The following ITGA9 variants were observed in gnomAD, a reference collection of about 807,000 sequenced individuals.
ITGA9 encodes the protein integrin subunit alpha 9, also known as integrin alpha-9.
In ITGA9, 56 loss-of-function variants were observed where a neutral mutation model predicts 127.8. The observed-to-expected ratio is 0.44, with a 90% CI of 0.35 to 0.55. The LOEUF is 0.55. Among genes scored for constraint, ITGA9 ranks in the 20% least tolerant of loss-of-function variants. The pLI is 0.00. For synonymous variants in ITGA9, 508 were observed against 514.5 expected (o/e 0.99, Z 0.17); for missense variants, 1,196 against 1,347.1 (o/e 0.89, Z 1.76).
At chr3:37,775,797 C>T (rs887559786) in intron 23 of ITGA9, among the ~76,000 whole-genome samples, 3 of 152,164 alleles carry the variant, frequency 2.0e-5, no homozygotes, top group African/African-American at 7.2e-5. Context: ...AAAAGCAGAA[C>T]TGCCAATTAA....
intron 16 of ITGA9, among the ~76,000 whole-genome samples, chr3:37,648,011 A>G (rs1262368596): frequency 1.3e-5 from 2 of 152,196 alleles, no homozygotes; most frequent in East Asian, 3.8e-4. Flanking sequence ...TCTATGAGGT[A>G]CTGATTTCAT....
intron 17 of ITGA9, among the ~76,000 whole-genome samples, chr3:37,655,516 A>G (rs1378397638): frequency 7.9e-5 from 12 of 152,136 alleles, no homozygotes; most frequent in African/African-American, 2.9e-4. Context: ...GTCTGTTCAT[A>G]TCTTTCGCCT....
At chr3:37,687,667 T>A (rs540716542) in intron 18 of ITGA9, among the ~76,000 whole-genome samples, 11 of 152,224 alleles carry the variant, frequency 7.2e-5, no homozygotes, top group African/African-American at 2.7e-4. Flanking sequence ...AACATTAATG[T>A]CCAAAATTAG....
chr3:37,668,132 C>T (rs1262921426), intron 17 of ITGA9, among the ~76,000 whole-genome samples: 2 of 152,106 alleles, frequency 1.3e-5, no homozygotes, highest in Non-Finnish European at 2.9e-5. Context: ...CAGGGACAGC[C>T]CCTTCCCTCC....
At chr3:37,578,836 T>TG (rs1699678023) in intron 15 of ITGA9, among the ~76,000 whole-genome samples, 1 of 151,638 alleles carries the variant, frequency 6.6e-6, no homozygotes, top group Non-Finnish European at 1.5e-5. Flanking sequence ...AGAAAGAAGG[T>TG]AAGTCCTAAG....
intron 18 of ITGA9, among the ~76,000 whole-genome samples, chr3:37,686,783 C>T (rs896132763): frequency 1.3e-5 from 2 of 152,142 alleles, no homozygotes; most frequent in Non-Finnish European, 2.9e-5. Context: ...GGCAAGACGA[C>T]CCTCAGGGTG....
intron 17 of ITGA9, 110 bp downstream of exon 17, chr3:37,653,900 T>C (rs1700452214): frequency 1.2e-5 from 9 of 774,170 alleles, no homozygotes; most frequent in Non-Finnish European, 4.7e-6. Context: ...ACAGAGTTGA[T>C]GGGTTACAGT....
At position 37,823,438 on chromosome 3, in the gene ITGA9, C is replaced by T. The variant is rs891641680; in HGVS notation, c.*4449C>T. On this transcript the variant is annotated 3_prime_UTR_variant, in exon 28 of 28. Transcript: ENST00000264741. Reference sequence around the variant, plus strand: ...AGTCTAAGCAGTCACTTCTGATTCACTTGCACTGTTTGGGAAATGTCAGGT... The same window carrying T: ...AGTCTAAGCAGTCACTTCTGATTCATTTGCACTGTTTGGGAAATGTCAGGT... 6.6e-6 allele frequency: 1 copy of T among 152,212 alleles called. No individual in the cohort carries two copies. Among genetic ancestry groups the T allele is most frequent in the African/African-American group, 2.4e-5 (1 of 41,448 alleles). The allele number at this position is 152,212 out of a possible 1,614,324, so 9.4% of individuals were successfully genotyped here.
chr3:37,498,909 C>G (rs1698760603), intron 5 of ITGA9, among the ~76,000 whole-genome samples: 1 of 152,244 alleles, frequency 6.6e-6, no homozygotes, highest in African/African-American at 2.4e-5. Flanking sequence ...GCGCGACTCC[C>G]CTCCTCTGCC....
At chr3:37,651,278 G>A (rs1319580989) in intron 16 of ITGA9, among the ~76,000 whole-genome samples, 1 of 152,206 alleles carries the variant, frequency 6.6e-6, no homozygotes, top group Non-Finnish European at 1.5e-5. Flanking sequence ...GTTAGGACAA[G>A]GAAAATGAGT....
At chr3:37,542,342 G>C in intron 14 of ITGA9, 83 bp from the exon 15 acceptor site, 2 of 1,428,994 alleles carry the variant, frequency 1.4e-6, no homozygotes, top group Admixed American at 3.3e-5. Flanking sequence ...AGATGTGCAT[G>C]TGATCCTGTG....
intron 17 of ITGA9, among the ~76,000 whole-genome samples, chr3:37,663,763 A>C (rs1007601474): frequency 6.6e-6 from 1 of 152,214 alleles, no homozygotes; most frequent in Non-Finnish European, 1.5e-5. Context: ...AATACTCCAT[A>C]TACATAAAAG....
chr3:37,700,251 T>A (rs1316929703), intron 18 of ITGA9, among the ~76,000 whole-genome samples: 3 of 152,324 alleles, frequency 2.0e-5, no homozygotes, highest in Admixed American at 2.0e-4. Flanking sequence ...CCCAAAGTGC[T>A]GGGATGACAG....
intron 16 of ITGA9, among the ~76,000 whole-genome samples, chr3:37,649,068 A>G (rs1250935175): frequency 6.6e-6 from 1 of 151,078 alleles, no homozygotes; most frequent in African/African-American, 2.4e-5. Context: ...GAAAATACCT[A>G]TGGAAGTTAT....
At chr3:37,678,892 G>C (rs1164972298) in intron 17 of ITGA9, among the ~76,000 whole-genome samples, 1 of 152,144 alleles carries the variant, frequency 6.6e-6, no homozygotes, top group East Asian at 1.9e-4. Context: ...AGATTTTCTG[G>C]CTTGACACAG....
chr3:37,665,034 G>A (rs1700572991), intron 17 of ITGA9, among the ~76,000 whole-genome samples: 2 of 146,486 alleles, frequency 1.4e-5, no homozygotes, highest in African/African-American at 2.5e-5. Flanking sequence ...GTAGAGTGGT[G>A]TGATCTCAGC....
intron 26 of ITGA9, among the ~76,000 whole-genome samples, chr3:37,803,423 C>A (rs967955095): frequency 2.3e-4 from 35 of 152,332 alleles, no homozygotes; most frequent in African/African-American, 7.9e-4. Context: ...AGTCTGGATA[C>A]TTCTCTGTAG....
intron 8 of ITGA9, among the ~76,000 whole-genome samples, chr3:37,509,476 T>C (rs1209062450): frequency 6.6e-6 from 1 of 151,882 alleles, no homozygotes; most frequent in Non-Finnish European, 1.5e-5. Flanking sequence ...GGAAGAAGCA[T>C]AGGATGTCTG....
At chr3:37,714,069 G>C (rs536204001) in intron 18 of ITGA9, among the ~76,000 whole-genome samples, 1 of 152,354 alleles carries the variant, frequency 6.6e-6, no homozygotes, top group African/African-American at 2.4e-5. Context: ...AGTCACAGGG[G>C]TGGAACAAAT....
Sources: gnomAD v4.1 joint callset for allele counts (sites outside exome capture counted in the v4.1 genomes callset) on GRCh38, gnomAD v4.1.1 for gene constraint, MANE v1.5 for transcripts, NCBI Gene and HGNC (gene_info 2026-07-23, HGNC 2026-07-21) for gene names.